The following IVD variants were observed in gnomAD, a reference collection of about 807,000 sequenced individuals.
IVD encodes the protein isovaleryl-CoA dehydrogenase, mitochondrial.
IVD carries 31 observed loss-of-function variants against 51.3 expected under a neutral mutation model. That is an observed-to-expected ratio of 0.60 (90% CI 0.45 to 0.81). The LOEUF (loss-of-function observed/expected upper bound fraction) is 0.81, where lower values mean the gene tolerates loss of function less well. IVD is among the 40% of genes least tolerant of loss of function. The pLI is 0.00. For synonymous variants in IVD, 205 were observed against 219.4 expected (o/e 0.93, Z 0.58); for missense variants, 475 against 552.0 (o/e 0.86, Z 1.40).
In IVD at chr15:40,421,025, C is replaced by A. The variant is rs1246930353; in HGVS notation, c.*2762C>A. 1.2e-5 allele frequency: 12 copies of A among 985,332 alleles called. No homozygotes were observed. The highest frequency in any genetic ancestry group is 1.4e-5 in the Non-Finnish European group (12 of 830,002). The allele number at this position is 985,332 out of a possible 1,614,324, so 61.0% of individuals were successfully genotyped here. ...ACAGGTGGGGTTGGCTCCTCACCAA[C>A]CCCAGTTCCGTCCCATCCTGAGGGC... On this transcript the variant is annotated 3_prime_UTR_variant, in exon 12 of 12. Coordinates refer to ENST00000487418, the MANE Select transcript of IVD (RefSeq NM_002225.5).
intron 8 of IVD, 51 bp from the exon 9 acceptor site, chr15:40,415,349 AC>A (rs1891544918): frequency 1.4e-6 from 2 of 1,477,706 alleles, no homozygotes; most frequent in South Asian, 2.3e-5. Flanking sequence ...TTGCCACCAC[AC>A]CCGGTGGTGG....
intron 7 of IVD, among the ~76,000 whole-genome samples, chr15:40,432,146 A>G (rs1266006052): frequency 1.3e-5 from 2 of 152,210 alleles, no homozygotes; most frequent in South Asian, 2.1e-4. Flanking sequence ...GTTTTGCCAC[A>G]TTGGCCAGAC....
rs373594717 is a variant in IVD at position 40,405,819 on chromosome 15, A to G, written c.-9A>G. On this transcript the variant is annotated 5_prime_UTR_variant, in exon 1 of 12. The change abolishes an upstream ATG in the 5' untranslated region. Transcript: ENST00000487418. ...CAGTTTCAGCGCTGGCTCTTCGTGC[A>G]TGGCAGAGATGGCGACTGCGACTCG... The G allele has an allele frequency of 5.0e-6, 8 of 1,610,958 alleles. No homozygotes were observed. In the East Asian group the frequency reaches 8.9e-5, roughly 18 times the overall value.
At position 40,416,159 on chromosome 15, in the gene IVD, G is replaced by A. The variant is rs374930693; in HGVS notation, c.1042G>A (p.Asp348Asn). 15 of 1,614,092 alleles carry A rather than the reference G, an allele frequency of 9.3e-6. No homozygotes were observed. The highest frequency in any genetic ancestry group is 4.0e-5 in the African/African-American group (3 of 74,938). ...TGTCTACAATGTCGCCAAGGCCTGC[G>A]ATGAGGGCCATTGCACTGCTAAGGT... is the stretch of plus-strand genomic sequence containing the variant. The part of the protein sequence containing the change: ...QYVYNVAKAC[D>N]EGHCTAKDCA... Residue 348 changes from aspartate (D) to asparagine (N), a missense_variant, in exon 10 of 12, where the codon GAT becomes AAT. Transcript: ENST00000487418.
At chr15:40,417,980 T>A in intron 11 of IVD, 150 bp from the exon 12 acceptor site, 1 of 1,100,416 alleles carries the variant, frequency 9.1e-7, no homozygotes, top group Non-Finnish European at 1.3e-6. Context: ...GACTAGTGTA[T>A]TCCCCACACC....
chr15:40,416,547 G>T (rs926764979), intron 11 of IVD, among the ~76,000 whole-genome samples, 185 bp downstream of exon 11: 1 of 151,126 alleles, frequency 6.6e-6, no homozygotes, highest in Non-Finnish European at 1.5e-5. Flanking sequence ...TGGTGAAACC[G>T]CATGCCGGGC....
chr15:40,422,526 A>G (rs1595811836), downstream of IVD, among the ~76,000 whole-genome samples: 3 of 130,258 alleles, frequency 2.3e-5, no homozygotes, highest in Admixed American at 8.2e-5. Flanking sequence ...CTCATGATCT[A>G]CCCACCTCGG....
chr15:40,425,760 A>G (rs780673088), downstream of IVD, among the ~76,000 whole-genome samples: 33 of 149,738 alleles, frequency 2.2e-4, no homozygotes, highest in Non-Finnish European at 4.1e-4. Flanking sequence ...TGGGCTTAAG[A>G]GATCTGCCTG....
chr15:40,426,395 G>A (rs905135972), downstream of IVD, among the ~76,000 whole-genome samples: 2 of 151,776 alleles, frequency 1.3e-5, no homozygotes, highest in Non-Finnish European at 2.9e-5. Flanking sequence ...AAAATTAGCC[G>A]GGTGTGGTGG....
In IVD at chr15:40,418,148, A is replaced by G. The variant is rs745719086; in HGVS notation, c.1157A>G (p.Asn386Ser). ...IQCFGGNGYI[N>S]DFPMGRFLRD... The stretch of plus-strand genomic sequence containing the variant: ...GTTGCAGGTGGCAATGGCTACATCA[A>G]TGACTTTCCCATGGGCCGCTTTCTT... Residue 386 changes from asparagine to serine, a missense_variant, in exon 12 of 12, where the codon AAT (asparagine) becomes AGT (serine). Coordinates refer to ENST00000487418, the MANE Select transcript of IVD (RefSeq NM_002225.5). 3.1e-6 allele frequency: 5 copies of G among 1,614,126 alleles called. No homozygotes were observed. Among genetic ancestry groups the G allele is most frequent in the Middle Eastern group, 1.7e-4 (1 of 6,060 alleles).
At chr15:40,435,165 G>A (rs1469203256) in intron 8 of IVD, among the ~76,000 whole-genome samples, 1 of 152,206 alleles carries the variant, frequency 6.6e-6, no homozygotes, top group African/African-American at 2.4e-5. Context: ...TGAGAAATGT[G>A]CACCACCTGG....
At chr15:40,418,083 GTTTT>G in intron 11 of IVD, 43 bp from the exon 12 acceptor site, 1 of 1,611,846 alleles carries the variant, frequency 6.2e-7, no homozygotes, top group Non-Finnish European at 8.5e-7. Context: ...TGCTTTCTTT[GTTTT>G]GTCAATCACT....
Position 40,407,839 on chromosome 15 carries a change from GCC to G in IVD, c.235-97_235-96del. On this transcript the variant is annotated intron_variant, in intron 2 of 11. Transcript: ENST00000487418. Reference sequence around the variant, plus strand: ...TAAATGAAGCCTCTCTAAGAATGCAGCCCCTCTCTCTGAAGTGTTTGGGTCTC... The same window carrying G: ...TAAATGAAGCCTCTCTAAGAATGCAGCCTCTCTCTGAAGTGTTTGGGTCTC... 2.1e-6 allele frequency: 3 copies of G among 1,451,706 alleles called. No individual in the cohort carries two copies. In the South Asian group the frequency reaches 3.4e-5, roughly 17 times the overall value. The allele number at this position is 1,451,706 out of a possible 1,614,324, so 89.9% of individuals were successfully genotyped here. A position where few individuals can be genotyped will look rare whatever the true frequency, so the allele number is the denominator to read the frequency against.
At position 40,413,081 on chromosome 15, in the gene IVD, A is replaced by G. The variant is rs1210577258; in HGVS notation, c.778A>G (p.Ile260Val). 1.9e-6 allele frequency: 3 copies of G among 1,613,026 alleles called. No individual in the cohort carries two copies. Among genetic ancestry groups the G allele is most frequent in the Admixed American group, 1.7e-5 (1 of 60,034 alleles). The change falls in exon 7 of 12, where the codon ATT (isoleucine) becomes GTT (valine). Residue 260 changes from isoleucine to valine, a missense_variant. Ile to Val is a conservative substitution (Grantham distance 29). Coordinates refer to ENST00000487418, the MANE Select transcript of IVD (RefSeq NM_002225.5). ...TGAGCTAATCTTTGAAGACTGCAAG[A>G]TTCCTGGTAAGTAGCACCGGGAATC... ...TCELIFEDCK[I>V]PAANILGHEN...
chr15:40,409,762 C>G (rs1257900761), intron 3 of IVD, among the ~76,000 whole-genome samples: 1 of 151,942 alleles, frequency 6.6e-6, no homozygotes, highest in African/African-American at 2.4e-5. Context: ...CATCTGCCCT[C>G]TGCTGTACAG....
At chr15:40,416,511 G>C in intron 11 of IVD, 149 bp downstream of exon 11, 2 of 724,948 alleles carry the variant, frequency 2.8e-6, no homozygotes, top group Non-Finnish European at 4.9e-6. Flanking sequence ...CCTGAGGTCA[G>C]GAGTTCAAGA....
chr15:40,408,567 C>T (rs939855223), intron 3 of IVD, among the ~76,000 whole-genome samples: 16 of 152,080 alleles, frequency 1.1e-4, no homozygotes, highest in Middle Eastern at 6.8e-3. Context: ...ATAGGCTGTC[C>T]GGAGGGAGAA....
intron 1 of IVD, among the ~76,000 whole-genome samples, chr15:40,406,515 C>T (rs1890433386): frequency 6.6e-6 from 1 of 152,160 alleles, no homozygotes; most frequent in Non-Finnish European, 1.5e-5. Flanking sequence ...AGTTGGAGGC[C>T]AGGCGCCGTG....
chr15:40,424,925 T>C (rs1433955824), downstream of IVD, among the ~76,000 whole-genome samples: 3 of 152,162 alleles, frequency 2.0e-5, no homozygotes, highest in East Asian at 5.8e-4. Context: ...AATCCCAGCA[T>C]TGGCAGAAAC....
Sources: gnomAD v4.1 joint callset for allele counts (sites outside exome capture counted in the v4.1 genomes callset) on GRCh38, gnomAD v4.1.1 for gene constraint, MANE v1.5 for transcripts, NCBI Gene and HGNC (gene_info 2026-07-23, HGNC 2026-07-21) for gene names.